Variants in ZC3H18 observed in about 807,000 individuals in gnomAD.
ZC3H18 encodes the protein zinc finger CCCH-type containing 18, also known as zinc finger CCCH domain-containing protein 18.
ZC3H18 carries 8 observed loss-of-function variants against 106.1 expected under a neutral mutation model. The observed-to-expected ratio is 0.08, with a 90% CI of 0.04 to 0.14. The LOEUF (loss-of-function observed/expected upper bound fraction) is 0.14. Ranked by LOEUF, ZC3H18 falls within the 10% of genes least tolerant of loss-of-function variation. The pLI is 1.00. For missense variants in ZC3H18, 1,318 were observed against 1,278.4 expected, an observed-to-expected ratio of 1.03 and a Z score of -0.47; for synonymous variants, 635 against 522.1, an observed-to-expected ratio of 1.22 and a Z score of -2.95.
At position 88,631,960 on chromosome 16, in the gene ZC3H18, A is replaced by G. The variant is rs1906718075; in HGVS notation, c.*661A>G. The G allele has an allele frequency of 7.7e-6, 2 of 260,880 alleles. No individual in the cohort carries two copies. The highest frequency in any genetic ancestry group is 1.5e-5 in the Non-Finnish European group (2 of 133,308). 16.2% of individuals were successfully genotyped at this position (260,880 alleles called of 1,614,324 possible). ...GTCTCCTAAAATAAAATATTTTGAT[A>G]AGCAGCTGTCCTTGCCCTCGTGGTG... On this transcript the variant is annotated 3_prime_UTR_variant, in exon 18 of 18. Transcript: ENST00000301011.
chr16:88,587,050 A>C (rs1454744407), intron 3 of ZC3H18, among the ~76,000 whole-genome samples: 1 of 152,226 alleles, frequency 6.6e-6, no homozygotes, highest in African/African-American at 2.4e-5. Context: ...CACCAGAATT[A>C]GCATTTTCCC....
chr16:88,600,009 G>A, intron 6 of ZC3H18, 61 bp downstream of exon 6: 2 of 1,590,050 alleles, frequency 1.3e-6, no homozygotes, highest in Non-Finnish European at 1.7e-6. Flanking sequence ...GCTCCGGAGA[G>A]AGCAGCCATG....
chr16:88,602,486 G>A (rs1904799595), intron 6 of ZC3H18, among the ~76,000 whole-genome samples: 2 of 152,212 alleles, frequency 1.3e-5, no homozygotes, highest in South Asian at 2.1e-4. Context: ...CATGTGAGAG[G>A]TCAGATTCTT....
intron 3 of ZC3H18, among the ~76,000 whole-genome samples, chr16:88,587,218 T>G (rs1915490363): frequency 6.6e-6 from 1 of 152,162 alleles, no homozygotes; most frequent in South Asian, 2.1e-4. Flanking sequence ...CAGGGGACAG[T>G]GTAAGAAAGT....
intron 6 of ZC3H18, among the ~76,000 whole-genome samples, chr16:88,607,614 C>G (rs1031247366): frequency 1.3e-5 from 2 of 151,852 alleles, no homozygotes; most frequent in Non-Finnish European, 2.9e-5. Flanking sequence ...TCACACGCTT[C>G]ATGTCTCTCA....
intron 9 of ZC3H18, chr16:88,622,676 G>T (rs917233721): frequency 1.9e-5 from 8 of 414,196 alleles, no homozygotes; most frequent in Non-Finnish European, 4.4e-6. Flanking sequence ...GCACCTGGAT[G>T]CGGGAGGACG....
At position 88,624,013 on chromosome 16, in the gene ZC3H18, C is replaced by T; in HGVS notation, c.1849C>T (p.Pro617Ser). The T allele has an allele frequency of 6.2e-7, 1 of 1,614,118 alleles. No individual in the cohort carries two copies. Among genetic ancestry groups the T allele is most frequent in the African/African-American group, 1.3e-5 (1 of 75,046 alleles). ...SPSPTPSPHR[P>S]SIRTKGEPAP... ...GTCCCCAACACCTTCCCCACATAGA[C>T]CTTCCATCAGAACCAAGGGAGAGCC... The change falls in exon 11 of 18, where the codon CCT (proline) becomes TCT (serine). Residue 617 changes from proline to serine, a missense_variant. This residue lies in a region of ZC3H18 where 848 missense variants were observed against 821.7 expected (regional missense o/e 1.03). Transcript: ENST00000301011.
At chr16:88,574,623 C>T (rs1225902246) in intron 1 of ZC3H18, among the ~76,000 whole-genome samples, 2 of 151,088 alleles carry the variant, frequency 1.3e-5, no homozygotes, top group East Asian at 3.9e-4. Flanking sequence ...CTATCTCAGC[C>T]TCCCAAGTAG....
At chr16:88,621,771 G>A (rs188701188) in intron 8 of ZC3H18, among the ~76,000 whole-genome samples, 249 of 152,310 alleles carry the variant, frequency 1.6e-3, no homozygotes, top group Middle Eastern at 3.4e-3. Context: ...GATTGCAGGC[G>A]TGTGCCACCA....
chr16:88,575,147 T>A (rs2142521562), intron 1 of ZC3H18, among the ~76,000 whole-genome samples: 1 of 147,020 alleles, frequency 6.8e-6, no homozygotes, highest in East Asian at 2.0e-4. Flanking sequence ...GTACTTAATC[T>A]TAATGATTTC....
At chr16:88,582,178 A>AAT (rs1915170247) in intron 2 of ZC3H18, among the ~76,000 whole-genome samples, 1 of 143,372 alleles carries the variant, frequency 7.0e-6, no homozygotes, top group Admixed American at 6.9e-5. Context: ...CATGGTCTTT[A>AAT]ATATTTTCTC....
chr16:88,597,096 A>C (rs995434695), intron 3 of ZC3H18, among the ~76,000 whole-genome samples: 2 of 151,922 alleles, frequency 1.3e-5, no homozygotes, highest in Non-Finnish European at 2.9e-5. Flanking sequence ...AATTTTTTGT[A>C]TTTTTTAGTA....
chr16:88,617,495 CGCCGAG>C lies in ZC3H18; in HGVS notation c.1476-4699_1476-4694del, dbSNP rs1291043428. ...TAGCTAGGCCGATGGGTGTGCTCAC[CGCCGAG>C]GCACGTCATTACGATGCTCTTTGGC... On this transcript the variant is annotated intron_variant, in intron 8 of 17. Transcript: ENST00000301011. Among the ~76,000 whole-genome samples, 7 of 152,264 alleles carry C rather than the reference CGCCGAG, an allele frequency of 4.6e-5. No homozygotes were observed. In the East Asian group the frequency reaches 1.2e-3, roughly 25 times the overall value.
intron 1 of ZC3H18, among the ~76,000 whole-genome samples, chr16:88,572,277 C>T (rs747110001): frequency 2.0e-5 from 3 of 152,206 alleles, no homozygotes; most frequent in East Asian, 3.8e-4. Context: ...AGGGGCTGCT[C>T]GGAAGGGAGG....
intron 2 of ZC3H18, among the ~76,000 whole-genome samples, chr16:88,580,786 G>T (rs1331907938): frequency 2.6e-5 from 4 of 152,174 alleles, no homozygotes; most frequent in Admixed American, 6.5e-5. Context: ...TTTCCTTTCA[G>T]TCCCTGGAAA....
rs59222261 is a variant in ZC3H18 at position 88,603,623 on chromosome 16, C to CTTT, written c.1088+3690_1088+3692dup. Among the ~76,000 whole-genome samples, 19 of 132,588 alleles carry CTTT rather than the reference C, an allele frequency of 1.4e-4. 2 individuals carry two copies. Among genetic ancestry groups the CTTT allele is most frequent in the Admixed American group, 2.3e-4 (3 of 13,310 alleles). 87.0% of individuals were successfully genotyped at this position (132,588 alleles called of 152,430 possible). ...TGGGCAACAGAGCGAGACTCCGTCTCTTTTTTTTTTTTTTTTTGAGACGGA... is the reference window on the plus strand; with the variant it reads ...TGGGCAACAGAGCGAGACTCCGTCTCTTTTTTTTTTTTTTTTTTTTGAGACGGA... On this transcript the variant is annotated intron_variant, in intron 6 of 17. Coordinates refer to ENST00000301011, the MANE Select transcript of ZC3H18 (RefSeq NM_144604.4).
chr16:88,602,551 G>A (rs1252893007), intron 6 of ZC3H18, among the ~76,000 whole-genome samples: 2 of 152,222 alleles, frequency 1.3e-5, no homozygotes, highest in Admixed American at 6.5e-5. Context: ...CAGGCCAGTG[G>A]TTTGTTTTTA....
chr16:88,592,291 T>C (rs1302631809), intron 3 of ZC3H18, among the ~76,000 whole-genome samples: 3 of 152,142 alleles, frequency 2.0e-5, no homozygotes, highest in Admixed American at 6.5e-5. Flanking sequence ...TCTTTTTTCA[T>C]GTGCTTAATA....
intron 3 of ZC3H18, among the ~76,000 whole-genome samples, chr16:88,591,979 G>A (rs948445327): frequency 1.3e-5 from 2 of 152,160 alleles, no homozygotes; most frequent in Non-Finnish European, 2.9e-5. Context: ...TTGAGGAACC[G>A]CTGGCAGCGG....
Sources: allele counts gnomAD v4.1 joint callset (sites outside exome capture counted in the v4.1 genomes callset), GRCh38; gene constraint gnomAD v4.1.1; regional missense constraint gnomAD v4.1.1; transcripts MANE v1.5; gene names NCBI Gene and HGNC (gene_info 2026-07-23, HGNC 2026-07-21).